Variants in SMAD9 observed in about 807,000 individuals in gnomAD.
SMAD9 encodes SMAD family member 9, also known as MAD homolog 9.
SMAD9 carries 36 observed loss-of-function variants against 46.1 expected under a neutral mutation model. That is an observed-to-expected ratio of 0.78 (90% CI 0.60 to 1.03). The LOEUF (loss-of-function observed/expected upper bound fraction) is 1.03, where lower values mean the gene tolerates loss of function less well. SMAD9 is among the 50% of genes least tolerant of loss of function. The probability of loss-of-function intolerance (pLI) is 0.00; values close to 1 mark genes in which losing one functional copy is unlikely to be tolerated. For missense variants in SMAD9, 572 were observed against 599.8 expected, an observed-to-expected ratio of 0.95 and a Z score of 0.48; for synonymous variants, 245 against 237.1, an observed-to-expected ratio of 1.03 and a Z score of -0.31.
rs151105989 is a variant in SMAD9, at chr13:36,885,958, A to C, written c.-186-6083T>G. Among the ~76,000 whole-genome samples, 431 of 152,312 alleles carry C rather than the reference A, an allele frequency of 2.8e-3. 2 individuals are homozygous for C. Among genetic ancestry groups the C allele is most frequent in the Middle Eastern group, 6.8e-3 (2 of 294 alleles). ...TAGAGAGTAGCTGACTGTTCTCACT[A>C]TGCGGGTACTGGGAAGAGCCTGGAA... On this transcript the variant is annotated intron_variant, in intron 1 of 6. Coordinates refer to ENST00000379826, the MANE Select transcript of SMAD9 (RefSeq NM_001127217.3).
In SMAD9 at chr13:36,867,323, G is replaced by A; in HGVS notation, c.731C>T (p.Pro244Leu). 2.6e-6 allele frequency: 4 copies of A among 1,551,334 alleles called. No homozygotes were observed. The highest frequency in any genetic ancestry group is 3.5e-6 in the Non-Finnish European group (4 of 1,146,758). Reference sequence around the variant, plus strand: ...ATGTCTATCAGCTGTGGCATCTACAGGTTGGCCACTCTGGGTCTCAGAGGC... The same window carrying A: ...ATGTCTATCAGCTGTGGCATCTACAAGTTGGCCACTCTGGGTCTCAGAGGC... ...TEASETQSGQ[P>L]VDATADRHVV... The change falls in exon 4 of 7, where the codon CCT (proline) becomes CTT (leucine). Residue 244 changes from proline (P) to leucine (L), a missense_variant. Pro to Leu is a moderately conservative substitution (Grantham distance 98, BLOSUM62 -3). Coordinates refer to ENST00000379826, the MANE Select transcript of SMAD9 (RefSeq NM_001127217.3).
At chr13:36,849,024 C>T (rs1262544981) in intron 6 of SMAD9, among the ~76,000 whole-genome samples, 1 of 152,218 alleles carries the variant, frequency 6.6e-6, no homozygotes, top group African/African-American at 2.4e-5. Context: ...CAAATCAGTG[C>T]ATTCCCTCAG....
chr13:36,859,924 C>T (rs1487149832), intron 5 of SMAD9, among the ~76,000 whole-genome samples: 6 of 151,136 alleles, frequency 4.0e-5, no homozygotes, highest in Non-Finnish European at 8.8e-5. Context: ...TGTGCCATTG[C>T]ACTCCAGCCT....
At chr13:36,877,683 G>A (rs1275444057) in intron 2 of SMAD9, among the ~76,000 whole-genome samples, 2 of 151,912 alleles carry the variant, frequency 1.3e-5, no homozygotes, top group African/African-American at 2.4e-5. Context: ...AAAGCAACTC[G>A]CTCCAGGATT....
chr13:36,878,336 T>A (rs536487245), intron 2 of SMAD9, among the ~76,000 whole-genome samples: 52 of 152,282 alleles, frequency 3.4e-4, no homozygotes, highest in African/African-American at 1.2e-3. Context: ...TATGTTTAGA[T>A]CTGTTCATAT....
intron 1 of SMAD9, among the ~76,000 whole-genome samples, chr13:36,918,682 T>TA (rs1245582251): frequency 6.6e-6 from 1 of 152,208 alleles, no homozygotes; most frequent in Non-Finnish European, 1.5e-5. Context: ...GGGAAACTCT[T>TA]ATATTGAATC....
intron 1 of SMAD9, among the ~76,000 whole-genome samples, chr13:36,905,453 G>A (rs781557561): frequency 2.0e-5 from 3 of 151,892 alleles, no homozygotes; most frequent in Non-Finnish European, 2.9e-5. Flanking sequence ...AACTGGAGCC[G>A]TTTTAAAAAT....
rs543006860 is a variant in SMAD9 at position 36,845,941 on chromosome 13, G to C, written c.*2735C>G. ...TGTGTTCTGGCTTCCCAAAGCTGCA[G>C]GGAAATACAAGTTTTTTGTTTCTTG... On this transcript the variant is annotated 3_prime_UTR_variant, in exon 7 of 7. Transcript: ENST00000379826. 19 of 152,154 alleles carry C rather than the reference G, an allele frequency of 1.2e-4. No individual in the cohort carries two copies. Among genetic ancestry groups the C allele is most frequent in the African/African-American group, 3.9e-4 (16 of 41,524 alleles). 9.4% of individuals were successfully genotyped at this position (152,154 alleles called of 1,614,324 possible). A position where few individuals can be genotyped will look rare whatever the true frequency, so the allele number is the denominator to read the frequency against.
At chr13:36,859,791 T>C (rs1263437132) in intron 5 of SMAD9, among the ~76,000 whole-genome samples, 1 of 151,888 alleles carries the variant, frequency 6.6e-6, no homozygotes, top group African/African-American at 2.4e-5. Flanking sequence ...AGAAACCCCA[T>C]CTCTACTAAA....
At chr13:36,874,900 T>C (rs1040685813) in intron 2 of SMAD9, among the ~76,000 whole-genome samples, 1 of 147,536 alleles carries the variant, frequency 6.8e-6, no homozygotes, top group Non-Finnish European at 1.5e-5. Context: ...TATATGTATA[T>C]GTATGTATGT....
intron 1 of SMAD9, among the ~76,000 whole-genome samples, chr13:36,910,123 G>A (rs1454857405): frequency 6.6e-6 from 1 of 152,028 alleles, no homozygotes; most frequent in Non-Finnish European, 1.5e-5. Flanking sequence ...CATGAACCGG[G>A]GAGGCAGAGC....
At chr13:36,873,374 C>CT (rs576731045) in intron 2 of SMAD9, among the ~76,000 whole-genome samples, 145 of 152,178 alleles carry the variant, frequency 9.5e-4, no homozygotes, top group African/African-American at 3.3e-3. Flanking sequence ...CAATGAAACC[C>CT]TAAGTGATCC....
chr13:36,895,414 C>A (rs1255578538), intron 1 of SMAD9, among the ~76,000 whole-genome samples: 1 of 152,180 alleles, frequency 6.6e-6, no homozygotes, highest in Non-Finnish European at 1.5e-5. Flanking sequence ...TGTGGAGGGG[C>A]TGTCCTGTGC....
At chr13:36,883,880 G>A (rs2138526580) in intron 1 of SMAD9, among the ~76,000 whole-genome samples, 1 of 152,294 alleles carries the variant, frequency 6.6e-6, no homozygotes, top group East Asian at 1.9e-4. Flanking sequence ...CAGATCAACT[G>A]TGTGCTCTTA....
intron 1 of SMAD9, among the ~76,000 whole-genome samples, chr13:36,913,060 T>C (rs979486055): frequency 6.6e-6 from 1 of 152,226 alleles, no homozygotes; most frequent in Non-Finnish European, 1.5e-5. Flanking sequence ...GTAAATGCTA[T>C]GTAAATGGTT....
chr13:36,874,854 C>CAAAAAAAAAAAAAAAA, intron 2 of SMAD9, among the ~76,000 whole-genome samples: 1 of 66,082 alleles, frequency 1.5e-5, no homozygotes, highest in Non-Finnish European at 2.7e-5. Flanking sequence ...GACTCCGTCC[C>CAAAAAAAAAAAAAAAA]AAAAAAAAAA....
rs1002848359 is a variant in SMAD9 at position 36,879,753 on chromosome 13, G to A, written c.-64C>T. 2.8e-5 allele frequency: 45 copies of A among 1,589,900 alleles called. No individual in the cohort carries two copies. Among genetic ancestry groups the A allele is most frequent in the Non-Finnish European group, 3.9e-5 (45 of 1,164,410 alleles). On this transcript the variant is annotated 5_prime_UTR_variant, in exon 2 of 7. Transcript: ENST00000379826. ...ACAGCCCTTCACGGCAAAGTGGGCG[G>A]CGAGTAGCTCTCCAGGGGTGGCATA... is the stretch of plus-strand genomic sequence containing the variant.
At chr13:36,896,542 C>T (rs1468806195) in intron 1 of SMAD9, among the ~76,000 whole-genome samples, 1 of 152,180 alleles carries the variant, frequency 6.6e-6, no homozygotes, top group Non-Finnish European at 1.5e-5. Context: ...TTCTACAATG[C>T]ATATCTGATC....
At chr13:36,869,075 C>G (rs1307560657) in intron 3 of SMAD9, among the ~76,000 whole-genome samples, 1 of 151,760 alleles carries the variant, frequency 6.6e-6, no homozygotes, top group African/African-American at 2.4e-5. Context: ...TTCAGAGAGA[C>G]AGAAAGTAGA....
Sources: gnomAD v4.1 joint callset for allele counts (sites outside exome capture counted in the v4.1 genomes callset) on GRCh38, gnomAD v4.1.1 for gene constraint, MANE v1.5 for transcripts, NCBI Gene and HGNC (gene_info 2026-07-23, HGNC 2026-07-21) for gene names.